The following GPC5 variants were observed in gnomAD, a reference collection of about 807,000 sequenced individuals.
The protein encoded by GPC5 is glypican-5.
A neutral mutation model predicts 53.9 loss-of-function variants in GPC5; 47 were observed. That is an observed-to-expected ratio of 0.87 (90% CI 0.69 to 1.11). The LOEUF (loss-of-function observed/expected upper bound fraction) is 1.11, where lower values mean the gene tolerates loss of function less well. GPC5 is among the 50% of genes most tolerant of loss of function. The pLI, the probability that GPC5 is intolerant of heterozygous loss-of-function variation, is 0.00. For missense variants in GPC5, 748 were observed against 713.1 expected (o/e 1.05, Z -0.56); for synonymous variants, 286 against 263.3 (o/e 1.09, Z -0.84).
intron 5 of GPC5, among the ~76,000 whole-genome samples, chr13:91,764,805 G>A (rs1437330913): frequency 6.6e-6 from 1 of 152,114 alleles, no homozygotes; most frequent in African/African-American, 2.4e-5. Flanking sequence ...GGGAGATGAT[G>A]GATCAAAAGT....
intron 5 of GPC5, among the ~76,000 whole-genome samples, chr13:91,854,288 A>T (rs947395300): frequency 6.6e-6 from 1 of 151,854 alleles, no homozygotes; most frequent in Non-Finnish European, 1.5e-5. Flanking sequence ...ATACATATTT[A>T]TGGGGTATAG....
chr13:92,064,997 A>C (rs1215850413), intron 6 of GPC5, among the ~76,000 whole-genome samples: 1 of 152,056 alleles, frequency 6.6e-6, no homozygotes, highest in Non-Finnish European at 1.5e-5. Context: ...AATAAAACCA[A>C]TTGTATTAAT....
rs1875611675 is a variant in GPC5 at position 92,771,419 on chromosome 13, T to C, written c.1562-94863T>C. Among the ~76,000 whole-genome samples the C allele has an allele frequency of 2.6e-5, 4 of 152,176 alleles. 1 individual carries two copies. In the South Asian group the frequency reaches 8.3e-4, roughly 32 times the overall value. On this transcript the variant is annotated intron_variant, in intron 7 of 7. Coordinates refer to ENST00000377067, the MANE Select transcript of GPC5 (RefSeq NM_004466.6). ...GTCCAGTGGCGTGATTTCGGCTCAC[T>C]GCAACCTCCGCCCCTCCAGGTTTAA...
At chr13:92,652,767 T>C (rs571939211) in intron 7 of GPC5, among the ~76,000 whole-genome samples, 2 of 152,314 alleles carry the variant, frequency 1.3e-5, no homozygotes, top group South Asian at 4.1e-4. Context: ...ATGGCAAAGA[T>C]GCAATCCCTT....
At chr13:92,266,954 A>G (rs190192160) in intron 7 of GPC5, among the ~76,000 whole-genome samples, 3 of 152,140 alleles carry the variant, frequency 2.0e-5, no homozygotes. Context: ...TGGTTTTTGA[A>G]GGTTCAATTT....
intron 5 of GPC5, among the ~76,000 whole-genome samples, chr13:91,809,040 T>C (rs1363371771): frequency 1.3e-5 from 2 of 152,174 alleles, no homozygotes; most frequent in East Asian, 3.8e-4. Context: ...ATACACACTG[T>C]ATAACTTGAA....
intron 7 of GPC5, among the ~76,000 whole-genome samples, chr13:92,549,326 T>G (rs1015759182): frequency 6.6e-6 from 1 of 152,128 alleles, no homozygotes; most frequent in Non-Finnish European, 1.5e-5. Flanking sequence ...ATAGAAAACC[T>G]TTTTTATTTT....
chr13:92,657,579 GTTTTTTTTTTT>G (rs67038073), intron 7 of GPC5, among the ~76,000 whole-genome samples: 9 of 106,728 alleles, frequency 8.4e-5, no homozygotes, highest in Admixed American at 7.6e-4. Flanking sequence ...AGGTTTTTTG[GTTTTTTTTTTT>G]TTTTTTTTTT....
chr13:92,001,553 T>A (rs1399527580), intron 6 of GPC5, among the ~76,000 whole-genome samples: 4 of 152,178 alleles, frequency 2.6e-5, no homozygotes, highest in African/African-American at 9.6e-5. Context: ...TATGCTGATA[T>A]TAGTACTGGA....
chr13:92,716,521 C>T (rs2139279173), intron 7 of GPC5, among the ~76,000 whole-genome samples: 1 of 151,984 alleles, frequency 6.6e-6, no homozygotes, highest in East Asian at 1.9e-4. Flanking sequence ...ATTTGTTTTT[C>T]TGTCTCCCTA....
intron 6 of GPC5, among the ~76,000 whole-genome samples, chr13:92,022,927 A>T (rs1001344127): frequency 2.6e-5 from 4 of 152,016 alleles, no homozygotes; most frequent in Admixed American, 6.6e-5. Flanking sequence ...GTTTCAATTA[A>T]TTTTTAATTT....
At chr13:91,707,567 G>C (rs1470902662) in intron 3 of GPC5, among the ~76,000 whole-genome samples, 1 of 152,156 alleles carries the variant, frequency 6.6e-6, no homozygotes, top group Non-Finnish European at 1.5e-5. Flanking sequence ...GCTGCAGTGA[G>C]CCATGATCGC....
intron 5 of GPC5, among the ~76,000 whole-genome samples, chr13:91,881,873 C>G (rs1484705242): frequency 1.3e-5 from 2 of 152,124 alleles, no homozygotes; most frequent in African/African-American, 4.8e-5. Flanking sequence ...AGCCTTAAGA[C>G]AGGGAGAGCA....
chr13:92,828,676 T>G (rs16947937), intron 7 of GPC5, among the ~76,000 whole-genome samples: 3 of 151,996 alleles, frequency 2.0e-5, no homozygotes, highest in Non-Finnish European at 4.4e-5. Context: ...CATAGGAAAA[T>G]TGAGCTCAAG....
chr13:92,453,765 C>A lies in GPC5; in HGVS notation c.1561+308776C>A, dbSNP rs1376288228. ...AGGATGGCAAGGTGGAACTGTAACA[C>A]CACATTTATTCTTTCTTCATCCAGG... On this transcript the variant is annotated intron_variant, in intron 7 of 7. Coordinates refer to ENST00000377067, the MANE Select transcript of GPC5 (RefSeq NM_004466.6). Among the ~76,000 whole-genome samples, 3 of 152,248 alleles carry A rather than the reference C, an allele frequency of 2.0e-5. No individual in the cohort carries two copies. The East Asian group carries it at 5.8e-4, about 29-fold the overall frequency.
intron 7 of GPC5, among the ~76,000 whole-genome samples, chr13:92,539,290 G>A (rs1490232249): frequency 1.3e-5 from 2 of 151,854 alleles, no homozygotes; most frequent in East Asian, 3.9e-4. Context: ...CCCACTAACA[G>A]TGTAAAAGTG....
At chr13:91,762,247 A>G (rs544784927) in intron 5 of GPC5, among the ~76,000 whole-genome samples, 46 of 152,100 alleles carry the variant, frequency 3.0e-4, no homozygotes, top group Non-Finnish European at 5.6e-4. Flanking sequence ...TACTCTACCA[A>G]TTCTCACTTT....
intron 2 of GPC5, among the ~76,000 whole-genome samples, chr13:91,651,289 T>C (rs2034703108): frequency 6.6e-6 from 1 of 152,270 alleles, no homozygotes; most frequent in Non-Finnish European, 1.5e-5. Context: ...TAAAAACATA[T>C]CTGATAAATA....
intron 4 of GPC5, among the ~76,000 whole-genome samples, chr13:91,749,781 T>C (rs2037129841): frequency 6.6e-6 from 1 of 152,356 alleles, no homozygotes; most frequent in South Asian, 2.1e-4. Flanking sequence ...AGACATTTTA[T>C]ATAAATGGGT....
Sources: gnomAD v4.1 joint callset for allele counts (sites outside exome capture counted in the v4.1 genomes callset) on GRCh38, gnomAD v4.1.1 for gene constraint, MANE v1.5 for transcripts, NCBI Gene and HGNC (gene_info 2026-07-23, HGNC 2026-07-21) for gene names.